Variants in TXNDC8 observed in about 807,000 individuals in gnomAD.
The protein encoded by TXNDC8 is thioredoxin domain containing 8, also known as thioredoxin domain-containing protein 8.
A neutral mutation model predicts 12.9 loss-of-function variants in TXNDC8; 15 were observed. The ratio of observed to expected loss-of-function variants is 1.16; its 90% CI spans 0.78 to 1.79. TXNDC8 has a LOEUF of 1.79. Ranked by LOEUF, TXNDC8 falls within the 40% of genes most tolerant of loss-of-function variation. TXNDC8 has a pLI of 0.00. For synonymous variants in TXNDC8, 40 were observed against 35.4 expected (o/e 1.13, Z -0.46); for missense variants, 128 against 113.2 (o/e 1.13, Z -0.59).
chr9:110,307,304 G>A (rs1164929844), intron 3 of TXNDC8, among the ~76,000 whole-genome samples: 1 of 152,006 alleles, frequency 6.6e-6, no homozygotes, highest in Non-Finnish European at 1.5e-5. Flanking sequence ...GTGTACCATT[G>A]ATGACCATAG....
At chr9:110,301,620 T>C (rs1838272099), downstream of TXNDC8, among the ~76,000 whole-genome samples, 1 of 152,078 alleles carries the variant, frequency 6.6e-6, no homozygotes, top group South Asian at 2.1e-4. Flanking sequence ...GTGTCTTGAA[T>C]GGAGGAGATA....
intron 3 of TXNDC8, among the ~76,000 whole-genome samples, chr9:110,314,842 C>T (rs1410978694): frequency 6.6e-6 from 1 of 152,188 alleles, no homozygotes; most frequent in Non-Finnish European, 1.5e-5. Context: ...GCATGCTCCA[C>T]TCTGAAATAT....
At chr9:110,314,276 T>G (rs1838793360) in intron 3 of TXNDC8, among the ~76,000 whole-genome samples, 1 of 152,190 alleles carries the variant, frequency 6.6e-6, no homozygotes, top group African/African-American at 2.4e-5. Context: ...ATATGTTGAT[T>G]GATGTCTCAT....
At chr9:110,303,855 A>C (rs1265054993) in intron 4 of TXNDC8, 5 of 676,708 alleles carry the variant, frequency 7.4e-6, no homozygotes, top group Non-Finnish European at 7.2e-6. Flanking sequence ...AACGTATAAT[A>C]ATCTCGGAAA....
chr9:110,321,533 G>A (rs771489382), intron 3 of TXNDC8, among the ~76,000 whole-genome samples: 3 of 152,066 alleles, frequency 2.0e-5, no homozygotes, highest in Non-Finnish European at 4.4e-5. Flanking sequence ...TGAACTCTAG[G>A]TTTTATTTTT....
intron 3 of TXNDC8, chr9:110,323,363 G>T (rs985964780): frequency 1.0e-6 from 1 of 984,154 alleles, no homozygotes; most frequent in Non-Finnish European, 1.2e-6. Context: ...CAAAAGAGAA[G>T]AAAATTTCCA....
At chr9:110,337,189 G>A (rs751224926) in intron 1 of TXNDC8, among the ~76,000 whole-genome samples, 3 of 152,110 alleles carry the variant, frequency 2.0e-5, no homozygotes, top group Non-Finnish European at 4.4e-5. Flanking sequence ...TTGACTTCTT[G>A]TAATGAGGGC....
chr9:110,317,589 C>T (rs1838933982), intron 3 of TXNDC8, among the ~76,000 whole-genome samples: 1 of 152,216 alleles, frequency 6.6e-6, no homozygotes. Context: ...TGCAAAGCAA[C>T]AATACCTCTT....
intron 3 of TXNDC8, among the ~76,000 whole-genome samples, chr9:110,311,616 AG>A (rs1838679872): frequency 8.0e-6 from 1 of 124,980 alleles, no homozygotes; most frequent in Non-Finnish European, 1.7e-5. Flanking sequence ...ATATGGATAT[AG>A]TAATAGATAT....
At chr9:110,313,711 A>G (rs1045218195) in intron 3 of TXNDC8, among the ~76,000 whole-genome samples, 1 of 152,178 alleles carries the variant, frequency 6.6e-6, no homozygotes, top group African/African-American at 2.4e-5. Context: ...AAAACAAACA[A>G]ATAACAAACA....
rs1554701414 is a variant in TXNDC8 at position 110,308,474 on chromosome 9, T to TTG, written c.196-3943_196-3942insCA. Among the ~76,000 whole-genome samples, 1,374 of 152,052 alleles carry TTG rather than the reference T, an allele frequency of 9.0e-3. 21 individuals carry two copies. Among genetic ancestry groups the TTG allele is most frequent in the African/African-American group, 0.027 (1,118 of 41,438 alleles). On this transcript the variant is annotated intron_variant, in intron 3 of 4. Coordinates refer to ENST00000423740, the MANE Select transcript of TXNDC8 (RefSeq NM_001286946.2). ...GCTCAGAGATCACATTGTTTTTTTT[T>TTG]TTGTTGTTGTTGTTTGTTCTTTTCT...
intron 3 of TXNDC8, among the ~76,000 whole-genome samples, chr9:110,309,811 T>C (rs1838597221): frequency 6.6e-6 from 1 of 151,904 alleles, no homozygotes; most frequent in Non-Finnish European, 1.5e-5. Context: ...CATCAATTCA[T>C]CACACAAAAA....
chr9:110,334,218 G>A lies in TXNDC8; in HGVS notation c.127C>T (p.His43Tyr), dbSNP rs1839657722. 1 of 1,609,694 alleles carries A rather than the reference G, an allele frequency of 6.2e-7. No individual in the cohort carries two copies. The highest frequency in any genetic ancestry group is 8.5e-7 in the Non-Finnish European group (1 of 1,176,500). ...AGATATATACTGGTTGTACTCACAT[G>A]GAAAACAGGAAACATCCTTTTGCAG... The change falls in exon 2 of 5, where the codon CAT becomes TAT. Residue 43 changes from histidine (H) to tyrosine (Y), a missense_variant and splice_region_variant. His to Tyr is a moderately conservative substitution (Grantham distance 83, BLOSUM62 2). Coordinates refer to ENST00000423740, the MANE Select transcript of TXNDC8 (RefSeq NM_001286946.2).
chr9:110,314,413 T>C (rs1204550010), intron 3 of TXNDC8, among the ~76,000 whole-genome samples: 1 of 149,816 alleles, frequency 6.7e-6, no homozygotes, highest in Non-Finnish European at 1.5e-5. Context: ...TTTTTTTTCT[T>C]TTTTTCTTTT....
chr9:110,327,319 A>G lies in TXNDC8; in HGVS notation c.130-1079T>C, dbSNP rs570905732. Among the ~76,000 whole-genome samples, 112 of 89,516 alleles carry G rather than the reference A, an allele frequency of 1.3e-3. 1 individual carries two copies. Among genetic ancestry groups the G allele is most frequent in the African/African-American group, 5.3e-3 (105 of 19,778 alleles). The allele number at this position is 89,516 out of a possible 152,430, so 58.7% of individuals were successfully genotyped here. A position where few individuals can be genotyped will look rare whatever the true frequency, so the allele number is the denominator to read the frequency against. Reference sequence around the variant, plus strand: ...CAAAAATTTGTACACTAATGTTTATACTATATATTTTTTTTTTTTTGAGAT... The same window carrying G: ...CAAAAATTTGTACACTAATGTTTATGCTATATATTTTTTTTTTTTTGAGAT... On this transcript the variant is annotated intron_variant, in intron 2 of 4. Transcript: ENST00000423740.
chr9:110,322,948 A>C, intron 3 of TXNDC8: 8 of 985,452 alleles, frequency 8.1e-6, no homozygotes, highest in Non-Finnish European at 9.6e-6. Context: ...TATGAGAAAA[A>C]TACATGAAGA....
chr9:110,323,517 T>A (rs1189324489), intron 3 of TXNDC8: 2 of 213,590 alleles, frequency 9.4e-6, no homozygotes, highest in Non-Finnish European at 1.6e-5. Flanking sequence ...GATGAGGGAA[T>A]GAGTGGAAAA....
chr9:110,332,935 T>C (rs1839600100), intron 2 of TXNDC8, among the ~76,000 whole-genome samples: 2 of 152,208 alleles, frequency 1.3e-5, no homozygotes, highest in Admixed American at 6.5e-5. Flanking sequence ...TGCAATAACA[T>C]GTATGGACCT....
intron 3 of TXNDC8, among the ~76,000 whole-genome samples, chr9:110,309,507 T>G (rs1277045212): frequency 6.6e-6 from 1 of 152,168 alleles, no homozygotes; most frequent in Non-Finnish European, 1.5e-5. Flanking sequence ...GGCTATTTTT[T>G]GTATTTTTAG....
Sources: gnomAD v4.1 joint callset for allele counts (sites outside exome capture counted in the v4.1 genomes callset) on GRCh38, gnomAD v4.1.1 for gene constraint, MANE v1.5 for transcripts, NCBI Gene and HGNC (gene_info 2026-07-23, HGNC 2026-07-21) for gene names.